The following SMYD3 variants were observed in gnomAD, a reference collection of about 807,000 sequenced individuals.
The protein encoded by SMYD3 is SET and MYND domain containing 3, also known as histone-lysine N-methyltransferase SMYD3.
SMYD3 carries 36 observed loss-of-function variants against 57.7 expected under a neutral mutation model. The observed-to-expected ratio is 0.62, with a 90% CI of 0.48 to 0.82. The LOEUF (loss-of-function observed/expected upper bound fraction) is 0.82, where lower values mean the gene tolerates loss of function less well. Among genes scored for constraint, SMYD3 ranks in the 40% least tolerant of loss-of-function variants. SMYD3 has a pLI of 0.00. For missense variants in SMYD3, 515 were observed against 538.8 expected, an observed-to-expected ratio of 0.96 and a Z score of 0.44; for synonymous variants, 211 against 195.0, an observed-to-expected ratio of 1.08 and a Z score of -0.68.
intron 2 of SMYD3, among the ~76,000 whole-genome samples, chr1:246,336,671 A>G (rs2148674259): frequency 6.6e-6 from 1 of 152,338 alleles, no homozygotes; most frequent in Admixed American, 6.5e-5. Flanking sequence ...CAAATAACGA[A>G]GCACGTTTCA....
intron 5 of SMYD3, among the ~76,000 whole-genome samples, chr1:246,322,929 C>T (rs2065274436): frequency 1.3e-5 from 2 of 152,216 alleles, no homozygotes; most frequent in Admixed American, 6.5e-5. Context: ...TAACTGAAAT[C>T]TGTATTCCAC....
At chr1:246,418,171 A>T (rs1054332991) in intron 1 of SMYD3, among the ~76,000 whole-genome samples, 4 of 152,242 alleles carry the variant, frequency 2.6e-5, no homozygotes, top group African/African-American at 9.6e-5. Flanking sequence ...GGGAGGAAAA[A>T]TTATCTTCAC....
At chr1:245,835,886 C>A (rs1273484891) in intron 10 of SMYD3, among the ~76,000 whole-genome samples, 1 of 152,160 alleles carries the variant, frequency 6.6e-6, no homozygotes, top group Non-Finnish European at 1.5e-5. Flanking sequence ...TGTTCTCCGT[C>A]GACGTGACTT....
chr1:245,963,323 G>A (rs1322990141), intron 5 of SMYD3, among the ~76,000 whole-genome samples: 1 of 151,938 alleles, frequency 6.6e-6, no homozygotes, highest in East Asian at 1.9e-4. Context: ...AAGGTCACAG[G>A]GCAAGCTGCT....
chr1:246,289,605 G>A (rs1028183505), intron 5 of SMYD3, among the ~76,000 whole-genome samples: 1 of 152,196 alleles, frequency 6.6e-6, no homozygotes, highest in African/African-American at 2.4e-5. Context: ...ATGACTGGTA[G>A]TGTATGTAAA....
intron 1 of SMYD3, among the ~76,000 whole-genome samples, chr1:246,473,184 G>A (rs2067983379): frequency 6.6e-6 from 1 of 152,014 alleles, no homozygotes; most frequent in Non-Finnish European, 1.5e-5. Flanking sequence ...TCCCTCATTT[G>A]GTAGGTATCT....
chr1:245,840,989 A>G (rs999951862), intron 10 of SMYD3, among the ~76,000 whole-genome samples: 1 of 152,236 alleles, frequency 6.6e-6, no homozygotes, highest in Admixed American at 6.5e-5. Flanking sequence ...CATTTCACAG[A>G]CCGTGAGTTG....
chr1:246,308,512 G>A (rs1572362994), intron 5 of SMYD3, among the ~76,000 whole-genome samples: 1 of 152,120 alleles, frequency 6.6e-6, no homozygotes, highest in Admixed American at 6.6e-5. Flanking sequence ...TAGAGAATGA[G>A]GGAGAGAGTT....
intron 5 of SMYD3, among the ~76,000 whole-genome samples, chr1:246,212,698 T>C (rs1488327990): frequency 6.6e-6 from 1 of 152,174 alleles, no homozygotes; most frequent in Non-Finnish European, 1.5e-5. Context: ...ACTGCCAAGT[T>C]GAATGATAGT....
Position 246,428,967 on chromosome 1 carries a change from C to G in SMYD3, c.165-73873G>C, listed in dbSNP as rs373398156. On this transcript the variant is annotated intron_variant, in intron 1 of 11. Coordinates refer to ENST00000490107, the MANE Select transcript of SMYD3 (RefSeq NM_001167740.2). ...TTATAGATGCCAATGGGTCCTGGAACTACCCTGTACTCATATAAAAGGGGA... is the reference window on the plus strand; with the variant it reads ...TTATAGATGCCAATGGGTCCTGGAAGTACCCTGTACTCATATAAAAGGGGA... Among the ~76,000 whole-genome samples, 14 of 142,810 alleles carry G rather than the reference C, an allele frequency of 9.8e-5. No individual in the cohort carries two copies. In the East Asian group the frequency reaches 2.3e-3, roughly 23 times the overall value. The allele number at this position is 142,810 out of a possible 152,430, so 93.7% of individuals were successfully genotyped here.
At chr1:246,126,200 G>T (rs1184449807) in intron 5 of SMYD3, among the ~76,000 whole-genome samples, 1 of 152,214 alleles carries the variant, frequency 6.6e-6, no homozygotes, top group Non-Finnish European at 1.5e-5. Context: ...AGGAGCTTTA[G>T]ATCAGTGGTT....
At chr1:246,433,117 T>C (rs2067321720) in intron 1 of SMYD3, among the ~76,000 whole-genome samples, 1 of 152,190 alleles carries the variant, frequency 6.6e-6, no homozygotes, top group Admixed American at 6.5e-5. Context: ...ATGACTTCAG[T>C]AAAGTTTCAG....
rs115814876 is a variant in SMYD3 at position 246,375,171 on chromosome 1, A to G, written c.165-20077T>C. On this transcript the variant is annotated intron_variant, in intron 1 of 11. Transcript: ENST00000490107. ...CAAGGTTATGTACTGATCAGGTGAC[A>G]AATATGTTGTGACTAGAGGCTTTCA... is the stretch of plus-strand genomic sequence containing the variant. 6.0e-3 allele frequency among the ~76,000 whole-genome samples: 918 copies of G among 152,272 alleles called. 12 individuals are homozygous for G. Among genetic ancestry groups the G allele is most frequent in the African/African-American group, 0.021 (874 of 41,564 alleles).
chr1:245,833,823 C>A (rs2049975307), intron 10 of SMYD3, among the ~76,000 whole-genome samples: 1 of 152,224 alleles, frequency 6.6e-6, no homozygotes, highest in African/African-American at 2.4e-5. Flanking sequence ...CGTGAGAAGC[C>A]AGACACACTC....
chr1:245,999,193 A>T (rs7518649), intron 5 of SMYD3, among the ~76,000 whole-genome samples: 22,716 of 152,084 alleles, frequency 0.15, 2,183 homozygotes, highest in East Asian at 0.44. Context: ...ACCAAACATG[A>T]AACCAAACTA....
chr1:245,846,209 G>T (rs984571148), intron 10 of SMYD3, among the ~76,000 whole-genome samples: 1 of 152,288 alleles, frequency 6.6e-6, no homozygotes, highest in South Asian at 2.1e-4. Context: ...GAAAAAGAAC[G>T]CAAGAGCAAG....
chr1:246,432,143 A>T lies in SMYD3; in HGVS notation c.164+74911T>A, dbSNP rs190423222. ...TACTACCTCTCTAGCACTTTCTCCA[A>T]GGAAACTATCAGAACCATTTATTTT... On this transcript the variant is annotated intron_variant, in intron 1 of 11. Transcript: ENST00000490107. Among the ~76,000 whole-genome samples the T allele has an allele frequency of 2.1e-4, 32 of 152,382 alleles. 1 individual carries two copies. The East Asian group carries it at 3.9e-3, about 18-fold the overall frequency.
intron 5 of SMYD3, among the ~76,000 whole-genome samples, chr1:246,263,292 G>A (rs538342581): frequency 2.0e-5 from 3 of 152,222 alleles, no homozygotes; most frequent in South Asian, 2.1e-4. Context: ...AATTCTAACA[G>A]CATCTACTGT....
At chr1:246,299,409 T>C (rs1477201158) in intron 5 of SMYD3, among the ~76,000 whole-genome samples, 1 of 152,102 alleles carries the variant, frequency 6.6e-6, no homozygotes, top group Non-Finnish European at 1.5e-5. Flanking sequence ...GTAGGTTAGT[T>C]CAACCATTGT....
Sources: gnomAD v4.1 joint callset for allele counts (sites outside exome capture counted in the v4.1 genomes callset) on GRCh38, gnomAD v4.1.1 for gene constraint, MANE v1.5 for transcripts, NCBI Gene and HGNC (gene_info 2026-07-23, HGNC 2026-07-21) for gene names.